LCORL: variants seen among roughly 807,000 people sequenced by gnomAD.
The protein encoded by LCORL is ligand-dependent nuclear receptor corepressor-like protein.
LCORL carries 41 observed loss-of-function variants against 141.8 expected under a neutral mutation model. The ratio of observed to expected loss-of-function variants is 0.29; its 90% CI spans 0.23 to 0.38. The LOEUF (loss-of-function observed/expected upper bound fraction) is 0.38. Among genes scored for constraint, LCORL ranks in the 10% least tolerant of loss-of-function variants. The pLI is 1.00. For missense variants in LCORL, 1,759 were observed against 2,035.0 expected (o/e 0.86, Z 2.61); for synonymous variants, 618 against 694.1 (o/e 0.89, Z 1.72).
At chr4:17,951,274 T>C (rs892246497) in intron 4 of LCORL, among the ~76,000 whole-genome samples, 16 of 152,256 alleles carry the variant, frequency 1.1e-4, no homozygotes, top group Non-Finnish European at 2.1e-4. Flanking sequence ...CTATAGTACA[T>C]GTTCATTGGT....
chr4:17,940,056 G>A (rs995299242), intron 4 of LCORL, among the ~76,000 whole-genome samples: 3 of 141,166 alleles, frequency 2.1e-5, no homozygotes, highest in East Asian at 2.1e-4. Context: ...CACACTATAC[G>A]CATATATACA....
Position 17,843,555 on chromosome 4 carries a change from G to A in LCORL, c.*2333C>T, listed in dbSNP as rs573559380. Reference sequence around the variant, plus strand: ...AAGATTTTCTGCTGTGCGCTTCCACGTTACTTTGGCCTGTATTAAAGCAGT... The same window carrying A: ...AAGATTTTCTGCTGTGCGCTTCCACATTACTTTGGCCTGTATTAAAGCAGT... On this transcript the variant is annotated 3_prime_UTR_variant, in exon 8 of 8. Coordinates refer to ENST00000635767, the Ensembl canonical transcript of LCORL. The A allele has an allele frequency of 9.7e-4, 1,001 of 1,027,328 alleles. 2 individuals are homozygous for A. Among genetic ancestry groups the A allele is most frequent in the Middle Eastern group, 3.3e-3 (15 of 4,516 alleles). 63.6% of individuals were successfully genotyped at this position (1,027,328 alleles called of 1,614,324 possible).
At chr4:17,909,718 A>G (rs1732206472) in intron 4 of LCORL, among the ~76,000 whole-genome samples, 1 of 152,134 alleles carries the variant, frequency 6.6e-6, no homozygotes, top group Non-Finnish European at 1.5e-5. Flanking sequence ...ATAAGTAACC[A>G]ATTTTTATCC....
intron 4 of LCORL, chr4:17,912,746 C>T (rs927324037): frequency 2.4e-6 from 1 of 411,942 alleles, no homozygotes; most frequent in South Asian, 1.9e-5. Flanking sequence ...GGAGCTGGCA[C>T]AGACCCGGGC....
chr4:17,907,746 T>C (rs1391903851), intron 5 of LCORL, among the ~76,000 whole-genome samples: 1 of 152,146 alleles, frequency 6.6e-6, no homozygotes, highest in Non-Finnish European at 1.5e-5. Context: ...CTATAGTCAG[T>C]GTGTTAGTGT....
At chr4:17,862,534 C>T (rs1725134711) in intron 7 of LCORL, among the ~76,000 whole-genome samples, 1 of 152,110 alleles carries the variant, frequency 6.6e-6, no homozygotes, top group Non-Finnish European at 1.5e-5. Flanking sequence ...ACACATAGAC[C>T]AATGGAACAG....
rs116758844 is a variant in LCORL at position 17,894,356 on chromosome 4, A to G, written c.683-8195T>C. 4.9e-3 allele frequency among the ~76,000 whole-genome samples: 750 copies of G among 152,316 alleles called. 5 individuals carry two copies. Among genetic ancestry groups the G allele is most frequent in the African/African-American group, 0.017 (709 of 41,558 alleles). On this transcript the variant is annotated intron_variant, in intron 5 of 7. Coordinates refer to ENST00000635767, the Ensembl canonical transcript of LCORL. ...TAAACTTGGAATTGGCAATAAAGCA[A>G]GTAACTCAAACTTGGATTTCACAAT... is the stretch of plus-strand genomic sequence containing the variant.
At chr4:17,920,211 G>A (rs1466642156) in intron 4 of LCORL, among the ~76,000 whole-genome samples, 5 of 152,180 alleles carry the variant, frequency 3.3e-5, no homozygotes, top group African/African-American at 1.2e-4. Flanking sequence ...TATCAGAATT[G>A]AATTAGAGGG....
chr4:17,952,097 C>CA (rs1739817458), intron 4 of LCORL, among the ~76,000 whole-genome samples: 3 of 152,138 alleles, frequency 2.0e-5, no homozygotes, highest in Admixed American at 2.0e-4. Flanking sequence ...TGCTTCTTCC[C>CA]ATAAAGTACT....
At chr4:17,982,783 C>T (rs1356235029) in intron 1 of LCORL, among the ~76,000 whole-genome samples, 2 of 152,012 alleles carry the variant, frequency 1.3e-5, no homozygotes, top group Admixed American at 6.6e-5. Context: ...TTCCCATTTG[C>T]CAATTTTTGT....
rs141516009 is a variant in LCORL, at chr4:17,981,441, T to C, written c.155-8556A>G. 1.2e-4 allele frequency among the ~76,000 whole-genome samples: 19 copies of C among 152,284 alleles called. 1 individual carries two copies. Among genetic ancestry groups the C allele is most frequent in the Middle Eastern group, 6.8e-3 (2 of 294 alleles). ...GCAGTTCTCTATTACTGAGTTTCAG[T>C]ATATTTTAAATATTCTACTTTCAGA... On this transcript the variant is annotated intron_variant, in intron 1 of 7. Transcript: ENST00000635767.
At chr4:17,972,524 T>C (rs1716171056) in intron 2 of LCORL, among the ~76,000 whole-genome samples, 1 of 151,732 alleles carries the variant, frequency 6.6e-6, no homozygotes, top group Non-Finnish European at 1.5e-5. Flanking sequence ...AACATTTATT[T>C]ATTTAAATCT....
exon 7 of LCORL, chr4:17,874,556 G>A: frequency 8.1e-7 from 1 of 1,233,506 alleles, no homozygotes. Context: ...TTTCCAAAGG[G>A]CTTGCTACTT....
intron 4 of LCORL, among the ~76,000 whole-genome samples, chr4:17,935,459 G>T (rs1736697842): frequency 6.6e-6 from 1 of 152,186 alleles, no homozygotes; most frequent in Non-Finnish European, 1.5e-5. Context: ...GGTCTAGTGG[G>T]AGATGTTTGG....
intron 4 of LCORL, among the ~76,000 whole-genome samples, chr4:17,919,522 C>T (rs2109365792): frequency 1.3e-5 from 2 of 152,220 alleles, no homozygotes; most frequent in Middle Eastern, 3.4e-3. Context: ...GTGAGTATTG[C>T]AATAAAGACA....
intron 1 of LCORL, among the ~76,000 whole-genome samples, chr4:18,015,196 T>C (rs1724448703): frequency 6.6e-6 from 1 of 152,118 alleles, no homozygotes; most frequent in Non-Finnish European, 1.5e-5. Context: ...GAGAGGAATG[T>C]AGAGGACACA....
exon 8 of LCORL, chr4:17,842,392 T>G (rs1289891136): frequency 1.2e-6 from 2 of 1,608,490 alleles, no homozygotes; most frequent in Non-Finnish European, 1.7e-6. Flanking sequence ...ATGTCATGCA[T>G]GTCTAGAATA....
chr4:17,905,385 C>G lies in LCORL; in HGVS notation c.682+3709G>C, dbSNP rs187809010. Among the ~76,000 whole-genome samples, 12 of 151,934 alleles carry G rather than the reference C, an allele frequency of 7.9e-5. No individual in the cohort carries two copies. The East Asian group carries it at 1.9e-3, about 24-fold the overall frequency. On this transcript the variant is annotated intron_variant, in intron 5 of 7. Transcript: ENST00000635767. ...TTTTCAAATGCTTAATCATCCATGC[C>G]TCCTTAGTCATTATTTATTATGTTC...
chr4:17,993,420 G>C (rs1346119466), intron 1 of LCORL, among the ~76,000 whole-genome samples: 1 of 151,868 alleles, frequency 6.6e-6, no homozygotes, highest in Non-Finnish European at 1.5e-5. Flanking sequence ...GGCCAGGCTG[G>C]TCTTGAACTC....
Sources: allele counts gnomAD v4.1 joint callset (sites outside exome capture counted in the v4.1 genomes callset), GRCh38; gene constraint gnomAD v4.1.1; transcripts MANE v1.5; gene names NCBI Gene and HGNC (gene_info 2026-07-23, HGNC 2026-07-21).